Variants in SNX7 observed in about 807,000 individuals in gnomAD.
SNX7 encodes sorting nexin-7.
SNX7 carries 35 observed loss-of-function variants against 48.4 expected under a neutral mutation model. That is an observed-to-expected ratio of 0.72 (90% CI 0.55 to 0.96). The LOEUF is 0.96. Among genes scored for constraint, SNX7 ranks in the 40% least tolerant of loss-of-function variants. The pLI, the probability that SNX7 is intolerant of heterozygous loss-of-function variation, is 0.00. For synonymous variants in SNX7, 190 were observed against 190.2 expected (o/e 1.00, Z 0.01); for missense variants, 553 against 548.9 (o/e 1.01, Z -0.07).
At chr1:98,746,046 G>T (rs1654294007) in intron 8 of SNX7, among the ~76,000 whole-genome samples, 1 of 151,906 alleles carries the variant, frequency 6.6e-6, no homozygotes, top group Non-Finnish European at 1.5e-5. Flanking sequence ...CAGAGCAAAA[G>T]ATACAGAAAT....
intron 7 of SNX7, among the ~76,000 whole-genome samples, chr1:98,706,741 C>T (rs150244924): frequency 2.6e-5 from 4 of 151,966 alleles, no homozygotes; most frequent in South Asian, 2.1e-4. Flanking sequence ...GAGTATATTT[C>T]GCAGGAAGAG....
In SNX7 at chr1:98,760,096, C is replaced by G; in HGVS notation, c.1321C>G (p.Leu441Val). ...WESFLTSQTN[L>V]HLEEASEDKP ...GTCATTCCTTACATCACAGACCAAC[C>G]TTCACTTGGAAGAAGCCTCTGAAGA... Residue 441 changes from leucine (L) to valine (V), a missense_variant, in exon 9 of 9, where the codon CTT becomes GTT. Coordinates refer to ENST00000306121, the MANE Select transcript of SNX7 (RefSeq NM_015976.5). 3 of 1,610,116 alleles carry G rather than the reference C, an allele frequency of 1.9e-6. No individual in the cohort carries two copies. Among genetic ancestry groups the G allele is most frequent in the Non-Finnish European group, 2.5e-6 (3 of 1,176,824 alleles).
At chr1:98,705,805 C>T (rs1651976754) in intron 7 of SNX7, among the ~76,000 whole-genome samples, 5 of 152,032 alleles carry the variant, frequency 3.3e-5, no homozygotes, top group Admixed American at 2.6e-4. Context: ...ATCCTTTGCT[C>T]AGTATGGATG....
At chr1:98,689,141 G>C (rs1650972747) in intron 2 of SNX7, among the ~76,000 whole-genome samples, 1 of 152,156 alleles carries the variant, frequency 6.6e-6, no homozygotes, top group Admixed American at 6.5e-5. Flanking sequence ...CTGACCTCGT[G>C]ATCTGCCTGC....
At chr1:98,713,994 A>G (rs1021388726) in intron 7 of SNX7, among the ~76,000 whole-genome samples, 1 of 152,248 alleles carries the variant, frequency 6.6e-6, no homozygotes, top group East Asian at 1.9e-4. Context: ...AGGCTTACTC[A>G]GTGCAGGGTT....
At chr1:98,677,990 C>CATGTGTGT (rs1553197439) in intron 1 of SNX7, among the ~76,000 whole-genome samples, 75 of 141,872 alleles carry the variant, frequency 5.3e-4, no homozygotes, top group East Asian at 2.8e-3. Context: ...TGTGTGTGTG[C>CATGTGTGT]GTGTGTGTGT....
chr1:98,713,437 A>G (rs1300475206), intron 7 of SNX7, among the ~76,000 whole-genome samples: 1 of 143,066 alleles, frequency 7.0e-6, no homozygotes, highest in Non-Finnish European at 1.6e-5. Context: ...TCTCCATATC[A>G]GCAATAAGGC....
chr1:98,754,088 T>G (rs1432353674), intron 8 of SNX7, among the ~76,000 whole-genome samples: 1 of 152,096 alleles, frequency 6.6e-6, no homozygotes, highest in African/African-American at 2.4e-5. Flanking sequence ...CTGAGAAATT[T>G]TTTTTAATAA....
chr1:98,743,004 TTTTTC>T (rs1251865943), intron 8 of SNX7, among the ~76,000 whole-genome samples: 12 of 152,078 alleles, frequency 7.9e-5, no homozygotes, highest in East Asian at 3.9e-4. Flanking sequence ...ACATTTGTTT[TTTTTC>T]TTTTCTTCTA....
At chr1:98,730,711 C>T (rs1653464639) in intron 7 of SNX7, among the ~76,000 whole-genome samples, 1 of 152,006 alleles carries the variant, frequency 6.6e-6, no homozygotes, top group Non-Finnish European at 1.5e-5. Flanking sequence ...TGAAGGACCT[C>T]TTTAAGGAGA....
intron 1 of SNX7, among the ~76,000 whole-genome samples, chr1:98,678,477 T>C (rs1160086345): frequency 6.6e-6 from 1 of 152,222 alleles, no homozygotes. Context: ...ATTTATTTCC[T>C]AGCATTAATA....
Position 98,691,655 on chromosome 1 carries a change from A to G in SNX7, c.595A>G (p.Thr199Ala). Residue 199 changes from threonine to alanine, a missense_variant, in exon 4 of 9, where the codon ACA becomes GCA. Coordinates refer to ENST00000306121, the MANE Select transcript of SNX7 (RefSeq NM_015976.5). ...LNRIADHPTLTFNEDFKIFLT... is the reference protein window; with the variant it reads ...LNRIADHPTLAFNEDFKIFLT... The stretch of plus-strand genomic sequence containing the variant: ...CCGAATTGCTGATCATCCAACTTTA[A>G]CATTTAATGAAGACTTCAAAATTTT... 1 of 1,609,780 alleles carries G rather than the reference A, an allele frequency of 6.2e-7. No homozygotes were observed. Among genetic ancestry groups the G allele is most frequent in the Non-Finnish European group, 8.5e-7 (1 of 1,177,916 alleles).
chr1:98,662,052 T>G, intron 1 of SNX7, 141 bp downstream of exon 1: 2 of 949,220 alleles, frequency 2.1e-6, no homozygotes, highest in Middle Eastern at 7.5e-4. Context: ...TCCCCCGGGC[T>G]GCTGGACCCC....
At chr1:98,740,886 T>G (rs1654038043) in intron 8 of SNX7, among the ~76,000 whole-genome samples, 1 of 152,196 alleles carries the variant, frequency 6.6e-6, no homozygotes, top group Non-Finnish European at 1.5e-5. Flanking sequence ...TTGTATAACT[T>G]CCAGAGATCC....
chr1:98,693,506 C>A (rs1651261502), intron 4 of SNX7, among the ~76,000 whole-genome samples: 1 of 152,156 alleles, frequency 6.6e-6, no homozygotes, highest in African/African-American at 2.4e-5. Context: ...GAATATGCGG[C>A]CTGACTTCAG....
chr1:98,687,932 G>A (rs1267793266), intron 2 of SNX7, among the ~76,000 whole-genome samples: 2 of 152,114 alleles, frequency 1.3e-5, no homozygotes, highest in Non-Finnish European at 2.9e-5. Context: ...AAAACAGTAT[G>A]GGGGAACTGC....
At chr1:98,738,481 A>G (rs1337982386) in intron 8 of SNX7, 92 bp downstream of exon 8, 7 of 1,260,636 alleles carry the variant, frequency 5.6e-6, no homozygotes, top group East Asian at 4.8e-5. Flanking sequence ...ATTAAAGAAC[A>G]AGTGTCACAT....
intron 5 of SNX7, among the ~76,000 whole-genome samples, chr1:98,697,450 G>A (rs1651518357): frequency 6.6e-6 from 1 of 152,010 alleles, no homozygotes; most frequent in African/African-American, 2.4e-5. Context: ...AACGGTCACT[G>A]CTTATAAATT....
Position 98,713,392 on chromosome 1 carries a change from G to A in SNX7, c.1125+11489G>A, listed in dbSNP as rs1652423793. ...GGCTTTGGCTTAAGGGAATGTTATG[G>A]CTGGTTTGATCTTCTACTCAGACCA... On this transcript the variant is annotated intron_variant, in intron 7 of 8. Transcript: ENST00000306121. 2.0e-5 allele frequency among the ~76,000 whole-genome samples: 3 copies of A among 152,044 alleles called. No homozygotes were observed. The South Asian group carries it at 6.2e-4, about 32-fold the overall frequency.
Sources: allele counts gnomAD v4.1 joint callset (sites outside exome capture counted in the v4.1 genomes callset), GRCh38; gene constraint gnomAD v4.1.1; transcripts MANE v1.5; gene names NCBI Gene and HGNC (gene_info 2026-07-23, HGNC 2026-07-21).